Variants in NECAB1 observed in about 807,000 individuals in gnomAD.
NECAB1 encodes N-terminal EF-hand calcium binding protein 1.
NECAB1 carries 29 observed loss-of-function variants against 57.5 expected under a neutral mutation model. The ratio of observed to expected loss-of-function variants is 0.50; its 90% confidence interval spans 0.38 to 0.69. The LOEUF is 0.69. Among genes scored for constraint, NECAB1 ranks in the 30% least tolerant of loss-of-function variants. The probability of loss-of-function intolerance (pLI) is 0.00; values close to 1 mark genes in which losing one functional copy is unlikely to be tolerated. For missense variants in NECAB1, 372 were observed against 413.8 expected, an observed-to-expected ratio of 0.90 and a Z score of 0.88; for synonymous variants, 142 against 147.7, an observed-to-expected ratio of 0.96 and a Z score of 0.28.
chr8:90,826,654 C>A (rs1812230669), intron 3 of NECAB1, among the ~76,000 whole-genome samples: 2 of 151,484 alleles, frequency 1.3e-5, no homozygotes, highest in Non-Finnish European at 3.0e-5. Context: ...TTATTGAAAG[C>A]CATAATAGTT....
intron 4 of NECAB1, among the ~76,000 whole-genome samples, chr8:90,875,383 A>G (rs1808698900): frequency 1.4e-5 from 2 of 146,082 alleles, no homozygotes; most frequent in South Asian, 2.2e-4. Context: ...CGGGAGGCTG[A>G]GACAGGAGAA....
At position 90,947,618 on chromosome 8, in the gene NECAB1, C is replaced by T. The variant is rs544666653; in HGVS notation, c.861-2189C>T. On this transcript the variant is annotated intron_variant, in intron 10 of 12. Transcript: ENST00000417640. Reference sequence around the variant, plus strand: ...GTTTCACCATGTTGGCCAGGCTGGCCTTGAACTCCTGACCTCAAGTGATCC... The same window carrying T: ...GTTTCACCATGTTGGCCAGGCTGGCTTTGAACTCCTGACCTCAAGTGATCC... Among the ~76,000 whole-genome samples, 28 of 152,250 alleles carry T rather than the reference C, an allele frequency of 1.8e-4. No individual in the cohort carries two copies. The South Asian group carries it at 5.8e-3, about 32-fold the overall frequency.
chr8:90,874,033 T>C (rs556712909), intron 4 of NECAB1, among the ~76,000 whole-genome samples: 18 of 152,318 alleles, frequency 1.2e-4, no homozygotes, highest in Non-Finnish European at 2.4e-4. Context: ...TATTCAGTCA[T>C]GTGTTATAAT....
At chr8:90,955,150 G>C (rs1225796369) in intron 12 of NECAB1, among the ~76,000 whole-genome samples, 1 of 42,488 alleles carries the variant, frequency 2.4e-5, no homozygotes, top group Admixed American at 2.8e-4. Flanking sequence ...ATATATATAT[G>C]GCCTAACTAC....
chr8:90,865,254 C>T (rs532366848), intron 3 of NECAB1, among the ~76,000 whole-genome samples: 1 of 152,278 alleles, frequency 6.6e-6, no homozygotes, highest in South Asian at 2.1e-4. Flanking sequence ...TTTTCTCTCT[C>T]ATACATGAGG....
intron 5 of NECAB1, among the ~76,000 whole-genome samples, chr8:90,897,979 G>A (rs1809402135): frequency 6.6e-6 from 1 of 152,178 alleles, no homozygotes; most frequent in African/African-American, 2.4e-5. Context: ...TATTGCTACA[G>A]AATAAGATTA....
At chr8:90,796,675 T>G (rs1238542770) in intron 1 of NECAB1, among the ~76,000 whole-genome samples, 1 of 152,186 alleles carries the variant, frequency 6.6e-6, no homozygotes, top group Non-Finnish European at 1.5e-5. Context: ...ATATTTAAAT[T>G]TATTTACCAT....
intron 3 of NECAB1, among the ~76,000 whole-genome samples, chr8:90,830,759 G>T (rs1812288587): frequency 6.6e-6 from 1 of 152,072 alleles, no homozygotes; most frequent in African/African-American, 2.4e-5. Flanking sequence ...TGAGAGAGAG[G>T]CATGATTTTC....
At chr8:90,949,429 G>A (rs188418476) in intron 10 of NECAB1, among the ~76,000 whole-genome samples, 37 of 152,234 alleles carry the variant, frequency 2.4e-4, no homozygotes, top group Admixed American at 5.2e-4. Context: ...AGCTACATTT[G>A]AGGGCAAAGG....
At chr8:90,912,711 A>G (rs941599803) in intron 5 of NECAB1, among the ~76,000 whole-genome samples, 31 of 151,994 alleles carry the variant, frequency 2.0e-4, no homozygotes, top group African/African-American at 7.5e-4. Context: ...TAAATTTGAT[A>G]TAGTGGTCTC....
At position 90,936,785 on chromosome 8, in the gene NECAB1, T is replaced by C. The variant is rs183517394; in HGVS notation, c.747+2428T>C. Among the ~76,000 whole-genome samples, 168 of 152,196 alleles carry C rather than the reference T, an allele frequency of 1.1e-3. 2 individuals carry two copies. Among genetic ancestry groups the C allele is most frequent in the Middle Eastern group, 6.8e-3 (2 of 292 alleles). On this transcript the variant is annotated intron_variant, in intron 9 of 12. Coordinates refer to ENST00000417640, the MANE Select transcript of NECAB1 (RefSeq NM_022351.5). ...GTTACATAATGATGAGTCCAGGAAA[T>C]GATTTCTTTTTTTAAGTCCATTTTT...
intron 10 of NECAB1, among the ~76,000 whole-genome samples, chr8:90,949,568 T>C (rs540241841): frequency 2.0e-5 from 3 of 152,300 alleles, no homozygotes; most frequent in South Asian, 4.1e-4. Flanking sequence ...ACTGTTTTCA[T>C]GATGCAAAAC....
rs547319599 is a variant in NECAB1, at chr8:90,802,713, T to C, written c.124+998T>C. On this transcript the variant is annotated intron_variant, in intron 2 of 12. Transcript: ENST00000417640. Reference sequence around the variant, plus strand: ...CACCTTTCTACACAAAAGAAGATTATTAATCCAAGGAACAATGTAATAGCA... The same window carrying C: ...CACCTTTCTACACAAAAGAAGATTACTAATCCAAGGAACAATGTAATAGCA... Among the ~76,000 whole-genome samples, 82 of 152,344 alleles carry C rather than the reference T, an allele frequency of 5.4e-4. 2 individuals are homozygous for C. The South Asian group carries it at 0.017, about 31-fold the overall frequency.
intron 5 of NECAB1, among the ~76,000 whole-genome samples, chr8:90,898,293 CCACCACTCA>C (rs776546589): frequency 5.9e-5 from 9 of 152,326 alleles, no homozygotes; most frequent in Admixed American, 2.6e-4. Context: ...TCCATCACTA[CCACCACTCA>C]GTGCCCCAAA....
intron 2 of NECAB1, 41 bp from the exon 3 acceptor site, chr8:90,824,676 A>C (rs1206650136): frequency 6.0e-6 from 8 of 1,332,878 alleles, no homozygotes; most frequent in Non-Finnish European, 8.3e-6. Context: ...ACAATGTACA[A>C]AATTAAAATA....
chr8:90,951,231 C>A (rs1439714208), intron 12 of NECAB1, 27 bp downstream of exon 12: 1 of 1,354,596 alleles, frequency 7.4e-7, no homozygotes, highest in Non-Finnish European at 1.0e-6. Context: ...TACAATGCTT[C>A]TGTGTCCTTT....
At chr8:90,952,592 C>T (rs1420940826) in intron 12 of NECAB1, among the ~76,000 whole-genome samples, 1 of 151,982 alleles carries the variant, frequency 6.6e-6, no homozygotes, top group African/African-American at 2.4e-5. Flanking sequence ...GCCTGACCAA[C>T]ATGGTGAAAC....
chr8:90,895,177 G>C (rs1420761077), intron 5 of NECAB1, among the ~76,000 whole-genome samples: 1 of 152,118 alleles, frequency 6.6e-6, no homozygotes, highest in East Asian at 1.9e-4. Flanking sequence ...CAACTAAAAG[G>C]GAAGCACAGC....
chr8:90,925,725 T>G, intron 7 of NECAB1, 69 bp downstream of exon 7: 1 of 1,579,054 alleles, frequency 6.3e-7, no homozygotes, highest in Non-Finnish European at 8.6e-7. Flanking sequence ...TTGATTATTT[T>G]AACAAACAAC....
Sources: gnomAD v4.1 joint callset for allele counts (sites outside exome capture counted in the v4.1 genomes callset) on GRCh38, gnomAD v4.1.1 for gene constraint, MANE v1.5 for transcripts, NCBI Gene and HGNC (gene_info 2026-07-23, HGNC 2026-07-21) for gene names.